The following RPS6KA2 variants were observed in gnomAD, a reference collection of about 807,000 sequenced individuals.
The protein encoded by RPS6KA2 is ribosomal protein S6 kinase A2.
RPS6KA2 carries 42 observed loss-of-function variants against 91.8 expected under a neutral mutation model. The observed-to-expected ratio is 0.46, with a 90% CI of 0.36 to 0.59. The LOEUF is 0.59. Ranked by LOEUF, RPS6KA2 falls within the 20% of genes least tolerant of loss-of-function variation. RPS6KA2 has a pLI of 0.00. For synonymous variants in RPS6KA2, 414 were observed against 393.6 expected (o/e 1.05, Z -0.61); for missense variants, 798 against 978.5 (o/e 0.82, Z 2.46).
intron 1 of RPS6KA2, among the ~76,000 whole-genome samples, chr6:166,575,885 C>A (rs528937189): frequency 6.6e-6 from 1 of 152,174 alleles, no homozygotes; most frequent in South Asian, 2.1e-4. Context: ...ACTTGAGGTC[C>A]CAAATAAAGC....
At chr6:166,775,104 A>AT (rs1209108343) in intron 2 of RPS6KA2, among the ~76,000 whole-genome samples, 1 of 152,194 alleles carries the variant, frequency 6.6e-6, no homozygotes, top group Non-Finnish European at 1.5e-5. Context: ...CGATTTTACC[A>AT]TTTTGAAATC....
At chr6:166,647,945 C>T (rs1332690224) in intron 2 of RPS6KA2, among the ~76,000 whole-genome samples, 1 of 149,140 alleles carries the variant, frequency 6.7e-6, no homozygotes, top group Non-Finnish European at 1.5e-5. Flanking sequence ...TGCTCATACA[C>T]ACACATGCAC....
At chr6:166,602,798 C>G (rs1040169848) in intron 1 of RPS6KA2, among the ~76,000 whole-genome samples, 1 of 152,176 alleles carries the variant, frequency 6.6e-6, no homozygotes, top group Non-Finnish European at 1.5e-5. Flanking sequence ...GTATCGATAA[C>G]TTCTTGATTT....
At chr6:166,522,604 T>C (rs743979) in intron 3 of RPS6KA2, among the ~76,000 whole-genome samples, 34,251 of 152,092 alleles carry the variant, frequency 0.23, 4,651 homozygotes, top group African/African-American at 0.38. Flanking sequence ...TCTCCCCCAC[T>C]GCGCGGCCAT....
chr6:166,711,304 T>TTA (rs1789841288), intron 2 of RPS6KA2, among the ~76,000 whole-genome samples: 1 of 19,600 alleles, frequency 5.1e-5, no homozygotes, highest in South Asian at 3.5e-3. Context: ...AACAGAAAGC[T>TTA]TATATAAGAT....
Position 166,635,130 on chromosome 6 carries a change from T to A in RPS6KA2, c.124-96346A>T, listed in dbSNP as rs1255148905. ...ACCGTGTGGGGCATACTTGGTTGTA[T>A]TCATGTTTGTGACTCACTAATTATC... On this transcript the variant is annotated intron_variant, in intron 2 of 21. Coordinates refer to the RPS6KA2 transcript ENST00000503859. The surrounding 1 kb of genome is among the most constrained non-coding windows in gnomAD (Gnocchi z 4.8). Among the ~76,000 whole-genome samples the A allele has an allele frequency of 6.6e-6, 1 of 152,236 alleles. No individual in the cohort carries two copies. Among genetic ancestry groups the A allele is most frequent in the Non-Finnish European group, 1.5e-5 (1 of 68,036 alleles).
intron 12 of RPS6KA2, among the ~76,000 whole-genome samples, chr6:166,457,547 T>C (rs1780142680): frequency 6.6e-6 from 1 of 152,118 alleles, no homozygotes; most frequent in African/African-American, 2.4e-5. Context: ...GCTATAATGA[T>C]AGTTTTAATT....
intron 3 of RPS6KA2, among the ~76,000 whole-genome samples, chr6:166,516,468 G>T (rs3799665): frequency 0.23 from 35,676 of 152,050 alleles, 4,634 homozygotes; most frequent in East Asian, 0.44. Flanking sequence ...GGAGGGGTGG[G>T]GACACTGCCC....
At chr6:166,484,692 G>C (rs914387519) in intron 10 of RPS6KA2, among the ~76,000 whole-genome samples, 2 of 152,140 alleles carry the variant, frequency 1.3e-5, no homozygotes, top group Non-Finnish European at 2.9e-5. Flanking sequence ...GGAAGATCTG[G>C]GCTCCTGACA....
At chr6:166,546,497 T>G (rs2128498454) in intron 1 of RPS6KA2, among the ~76,000 whole-genome samples, 1 of 143,752 alleles carries the variant, frequency 7.0e-6, no homozygotes, top group South Asian at 2.2e-4. Flanking sequence ...TTTTTTTTTT[T>G]GTCTCTGAGA....
At chr6:166,618,826 G>A (rs1786511053) in intron 1 of RPS6KA2, among the ~76,000 whole-genome samples, 1 of 152,242 alleles carries the variant, frequency 6.6e-6, no homozygotes, top group African/African-American at 2.4e-5. Context: ...TTGTTCTGCT[G>A]TCATGAGCCT....
intron 10 of RPS6KA2, among the ~76,000 whole-genome samples, chr6:166,481,719 T>A (rs1381231846): frequency 6.6e-6 from 1 of 151,912 alleles, no homozygotes; most frequent in Non-Finnish European, 1.5e-5. Context: ...AGTTCTCTGA[T>A]AAGATGGTAG....
chr6:166,714,335 G>A (rs1009415714), intron 2 of RPS6KA2, among the ~76,000 whole-genome samples: 5 of 152,270 alleles, frequency 3.3e-5, no homozygotes, highest in Non-Finnish European at 5.9e-5. Context: ...CTCTTGTTTC[G>A]GGTCCTGGGA....
upstream of RPS6KA2, chr6:166,628,019 C>T (rs2128544423): frequency 6.6e-6 from 1 of 152,186 alleles, no homozygotes; most frequent in Non-Finnish European, 1.5e-5. Context: ...GGGCGCCTCC[C>T]TCCCGCGGCT....
intron 1 of RPS6KA2, among the ~76,000 whole-genome samples, chr6:166,541,509 C>T (rs192358142): frequency 3.9e-5 from 6 of 152,298 alleles, no homozygotes; most frequent in East Asian, 1.9e-4. Flanking sequence ...GGCTCTGAAG[C>T]GAGAGTGACA....
intron 1 of RPS6KA2, among the ~76,000 whole-genome samples, chr6:166,573,148 G>C (rs1262433763): frequency 3.3e-5 from 5 of 152,190 alleles, no homozygotes; most frequent in African/African-American, 1.2e-4. Context: ...TTGGTCTGTG[G>C]GAAGCCACAT....
intron 1 of RPS6KA2, among the ~76,000 whole-genome samples, chr6:166,591,381 C>T (rs116794065): frequency 5.3e-5 from 8 of 152,184 alleles, no homozygotes; most frequent in Non-Finnish European, 1.0e-4. Context: ...GTGTGCCCCC[C>T]ACCCCTGAAA....
chr6:166,427,268 C>T (rs1430404992), intron 16 of RPS6KA2, among the ~76,000 whole-genome samples: 1 of 152,010 alleles, frequency 6.6e-6, no homozygotes, highest in Non-Finnish European at 1.5e-5. Context: ...ATGCTAAAAA[C>T]TCTCAATAAA....
intron 1 of RPS6KA2, among the ~76,000 whole-genome samples, chr6:166,559,487 G>T (rs1784277211): frequency 6.6e-6 from 1 of 152,178 alleles, no homozygotes; most frequent in Non-Finnish European, 1.5e-5. Context: ...GCTAAGTGAT[G>T]AATGCTTCTC....
Sources: gnomAD v4.1 joint callset for allele counts (sites outside exome capture counted in the v4.1 genomes callset) on GRCh38, gnomAD v4.1.1 for gene constraint, Gnocchi (gnomAD v3.1) non-coding constraint, MANE v1.5 for transcripts, NCBI Gene and HGNC (gene_info 2026-07-23, HGNC 2026-07-21) for gene names.